Variants in DCC observed in about 807,000 individuals in gnomAD.
The protein encoded by DCC is DCC netrin 1 receptor.
In DCC, 58 loss-of-function variants were observed where a neutral mutation model predicts 172.5. That is an observed-to-expected ratio of 0.34 (90% CI 0.27 to 0.42). DCC has a LOEUF of 0.42. Ranked by LOEUF, DCC falls within the 10% of genes least tolerant of loss-of-function variation. The pLI is 1.00. For synonymous variants in DCC, 709 were observed against 644.5 expected, an observed-to-expected ratio of 1.10 and a Z score of -1.52; for missense variants, 1,740 against 1,791.0, an observed-to-expected ratio of 0.97 and a Z score of 0.51.
chr18:53,298,035 C>T (rs570800969), intron 12 of DCC, among the ~76,000 whole-genome samples: 10 of 152,032 alleles, frequency 6.6e-5, no homozygotes, highest in South Asian at 2.1e-4. Context: ...TGCTTGGCAT[C>T]GATATTAAGG....
intron 25 of DCC, among the ~76,000 whole-genome samples, chr18:53,484,951 C>T (rs2045884095): frequency 6.6e-6 from 1 of 151,810 alleles, no homozygotes; most frequent in Admixed American, 6.6e-5. Flanking sequence ...CTCAAATACA[C>T]AGAGATAGAG....
At chr18:52,342,272 T>C (rs957743106) in intron 1 of DCC, among the ~76,000 whole-genome samples, 1 of 106,822 alleles carries the variant, frequency 9.4e-6, no homozygotes, top group Non-Finnish European at 2.2e-5. Context: ...GAGGGGTGTG[T>C]GTGTGTGCGT....
At chr18:52,670,910 A>G (rs749189131) in intron 1 of DCC, among the ~76,000 whole-genome samples, 2 of 152,164 alleles carry the variant, frequency 1.3e-5, no homozygotes, top group Non-Finnish European at 2.9e-5. Context: ...ACATTATGCT[A>G]AAGGGCAACT....
At chr18:53,106,138 T>C (rs954839732) in intron 7 of DCC, among the ~76,000 whole-genome samples, 2 of 151,932 alleles carry the variant, frequency 1.3e-5, no homozygotes, top group Admixed American at 6.6e-5. Context: ...GATTGTTTTC[T>C]CTTTCTTTCT....
chr18:52,414,481 T>C (rs562554192), intron 1 of DCC, among the ~76,000 whole-genome samples: 58 of 152,276 alleles, frequency 3.8e-4, no homozygotes, highest in Middle Eastern at 3.4e-3. Context: ...TAGAACTGTC[T>C]CTGCATTCCA....
chr18:52,512,442 A>C (rs1037530), intron 1 of DCC, among the ~76,000 whole-genome samples: 1 of 152,156 alleles, frequency 6.6e-6, no homozygotes, highest in South Asian at 2.1e-4. Flanking sequence ...CTTCTCGCCC[A>C]CTGAAGTTCT....
At chr18:53,119,775 G>A (rs918049704) in intron 7 of DCC, among the ~76,000 whole-genome samples, 1 of 151,712 alleles carries the variant, frequency 6.6e-6, no homozygotes. Flanking sequence ...TGAACAGTAA[G>A]GTTGCATCAC....
chr18:52,591,174 A>G (rs867294203), intron 1 of DCC, among the ~76,000 whole-genome samples: 31 of 152,304 alleles, frequency 2.0e-4, no homozygotes, highest in African/African-American at 6.7e-4. Context: ...GGGCTAATCC[A>G]ATATAGGAAA....
chr18:53,464,214 C>G (rs1356795413), intron 24 of DCC, among the ~76,000 whole-genome samples: 1 of 152,106 alleles, frequency 6.6e-6, no homozygotes, highest in African/African-American at 2.4e-5. Context: ...ATGGATTTAT[C>G]CTAGTCTAAT....
chr18:52,439,103 T>G (rs1185035597), intron 1 of DCC, among the ~76,000 whole-genome samples: 1 of 151,862 alleles, frequency 6.6e-6, no homozygotes, highest in Non-Finnish European at 1.5e-5. Context: ...TCCTCCAGGT[T>G]TGGTTTATGA....
chr18:52,343,615 C>A (rs766497553), intron 1 of DCC, among the ~76,000 whole-genome samples: 1 of 152,124 alleles, frequency 6.6e-6, no homozygotes, highest in African/African-American at 2.4e-5. Context: ...GGCACAGGAA[C>A]CTTATAGAGT....
At position 52,347,507 on chromosome 18, in the gene DCC, G is replaced by A. The variant is rs546955004; in HGVS notation, c.91+6629G>A. On this transcript the variant is annotated intron_variant, in intron 1 of 28. Transcript: ENST00000442544. ...CAATTGACCATGGACTGTTACTATT[G>A]TTGAGTTTTATCTCTGGCTATAAAA... Among the ~76,000 whole-genome samples the A allele has an allele frequency of 3.9e-5, 6 of 152,144 alleles. No homozygotes were observed. The East Asian group carries it at 9.7e-4, about 25-fold the overall frequency.
At chr18:52,807,380 T>C (rs1445227229) in intron 2 of DCC, among the ~76,000 whole-genome samples, 1 of 152,200 alleles carries the variant, frequency 6.6e-6, no homozygotes, top group African/African-American at 2.4e-5. Context: ...ATGTGAACTG[T>C]ATGGTTCACT....
chr18:53,451,924 T>C (rs1388797993), intron 23 of DCC, among the ~76,000 whole-genome samples: 1 of 152,140 alleles, frequency 6.6e-6, no homozygotes, highest in Non-Finnish European at 1.5e-5. Context: ...CAGGACAAAT[T>C]TTCTAACCAG....
At chr18:53,385,146 G>C (rs1908071682) in intron 15 of DCC, among the ~76,000 whole-genome samples, 1 of 150,950 alleles carries the variant, frequency 6.6e-6, no homozygotes, top group African/African-American at 2.4e-5. Flanking sequence ...GAAATTCAGA[G>C]AGCTCTTCTC....
intron 15 of DCC, among the ~76,000 whole-genome samples, chr18:53,361,467 CTA>C (rs1465913600): frequency 6.6e-6 from 1 of 152,058 alleles, no homozygotes; most frequent in Non-Finnish European, 1.5e-5. Flanking sequence ...TAACACAACA[CTA>C]TTGGAGAAAG....
chr18:53,504,409 G>T (rs2046143336), intron 27 of DCC, among the ~76,000 whole-genome samples: 1 of 152,148 alleles, frequency 6.6e-6, no homozygotes, highest in Non-Finnish European at 1.5e-5. Flanking sequence ...AGCTAAATAG[G>T]AGAGATGTGT....
intron 1 of DCC, among the ~76,000 whole-genome samples, chr18:52,517,747 C>A (rs545033256): frequency 2.4e-4 from 36 of 152,232 alleles, no homozygotes; most frequent in Non-Finnish European, 4.9e-4. Flanking sequence ...CTCTTGTTCC[C>A]ACTTTTCTAA....
intron 27 of DCC, among the ~76,000 whole-genome samples, chr18:53,513,708 G>C (rs2144550821): frequency 6.6e-6 from 1 of 151,658 alleles, no homozygotes; most frequent in African/African-American, 2.4e-5. Flanking sequence ...GATCAAAAGA[G>C]ACAAAGAAGA....
Sources: gnomAD v4.1 joint callset for allele counts (sites outside exome capture counted in the v4.1 genomes callset) on GRCh38, gnomAD v4.1.1 for gene constraint, MANE v1.5 for transcripts, NCBI Gene and HGNC (gene_info 2026-07-23, HGNC 2026-07-21) for gene names.